The following SAMD12 variants were observed in gnomAD, a reference collection of about 807,000 sequenced individuals.
SAMD12 encodes the protein sterile alpha motif domain-containing protein 12.
A neutral mutation model predicts 15.0 loss-of-function variants in SAMD12; 9 were observed. The observed-to-expected ratio is 0.60, with a 90% CI of 0.36 to 1.05. SAMD12 has a LOEUF of 1.05. Among genes scored for constraint, SAMD12 ranks in the 50% least tolerant of loss-of-function variants. SAMD12 has a pLI of 0.01. For synonymous variants in SAMD12, 86 were observed against 90.1 expected, an observed-to-expected ratio of 0.96 and a Z score of 0.25; for missense variants, 230 against 234.2, an observed-to-expected ratio of 0.98 and a Z score of 0.12.
At chr8:118,352,738 AAAG>A (rs1818016678) in intron 4 of SAMD12, among the ~76,000 whole-genome samples, 1 of 152,224 alleles carries the variant, frequency 6.6e-6, no homozygotes, top group Non-Finnish European at 1.5e-5. Flanking sequence ...GAATATTTTT[AAAG>A]AAGAGCATTT....
intron 1 of SAMD12, 118 bp downstream of exon 1, chr8:118,621,686 C>T (rs542030034): frequency 7.7e-6 from 9 of 1,170,214 alleles, no homozygotes; most frequent in Admixed American, 7.0e-5. Context: ...GAGGAAGGGG[C>T]CCGCTCTCCG....
intron 4 of SAMD12, among the ~76,000 whole-genome samples, chr8:118,362,403 G>C (rs1055597605): frequency 6.6e-6 from 1 of 152,116 alleles, no homozygotes; most frequent in African/African-American, 2.4e-5. Context: ...GGTGTTGTCT[G>C]AATTTTAGGG....
At chr8:118,557,146 C>CG (rs1049125535) in intron 2 of SAMD12, among the ~76,000 whole-genome samples, 1 of 152,036 alleles carries the variant, frequency 6.6e-6, no homozygotes, top group Admixed American at 6.6e-5. Context: ...AGGGAAGGAC[C>CG]GGGTGGGAGG....
chr8:118,377,800 A>G (rs891334535), downstream of SAMD12, among the ~76,000 whole-genome samples: 6 of 152,160 alleles, frequency 3.9e-5, no homozygotes, highest in Non-Finnish European at 7.4e-5. Flanking sequence ...GTCTCATTCT[A>G]TATAGATCAT....
chr8:118,527,722 T>C (rs1418261077), intron 2 of SAMD12, among the ~76,000 whole-genome samples: 1 of 152,160 alleles, frequency 6.6e-6, no homozygotes, highest in Non-Finnish European at 1.5e-5. Context: ...GTCTTTATTA[T>C]ATTTTTGAAA....
intron 4 of SAMD12, among the ~76,000 whole-genome samples, chr8:118,211,995 T>A (rs1415881223): frequency 6.6e-6 from 1 of 152,188 alleles, no homozygotes; most frequent in Non-Finnish European, 1.5e-5. Context: ...GTTTAAGTTC[T>A]ATGAGCCATC....
intron 1 of SAMD12, among the ~76,000 whole-genome samples, chr8:118,607,959 C>A (rs1326271108): frequency 6.6e-6 from 1 of 152,170 alleles, no homozygotes; most frequent in Non-Finnish European, 1.5e-5. Flanking sequence ...CAAATATTTT[C>A]TACCTTTTAT....
At chr8:118,317,317 T>C (rs1037862506) in intron 4 of SAMD12, among the ~76,000 whole-genome samples, 1 of 152,178 alleles carries the variant, frequency 6.6e-6, no homozygotes, top group Admixed American at 6.5e-5. Flanking sequence ...TCACCAGAGA[T>C]GCATAAATAT....
At chr8:118,185,038 T>C (rs1819220045), downstream of SAMD12, among the ~76,000 whole-genome samples, 1 of 152,136 alleles carries the variant, frequency 6.6e-6, no homozygotes, top group African/African-American at 2.4e-5. Flanking sequence ...TTACCAACTG[T>C]GGACCTATGT....
intron 4 of SAMD12, among the ~76,000 whole-genome samples, chr8:118,282,604 T>G (rs915300197): frequency 4.6e-5 from 7 of 152,144 alleles, no homozygotes; most frequent in Non-Finnish European, 7.3e-5. Context: ...TGGTGGTGGT[T>G]ATTCTTTATG....
At chr8:118,350,654 C>T (rs761628194) in intron 4 of SAMD12, among the ~76,000 whole-genome samples, 7 of 152,176 alleles carry the variant, frequency 4.6e-5, no homozygotes, top group Non-Finnish European at 7.3e-5. Context: ...TGAGGCTTAG[C>T]AGTGTTGGAC....
intron 4 of SAMD12, among the ~76,000 whole-genome samples, chr8:118,231,797 C>T (rs900406720): frequency 4.6e-5 from 7 of 152,174 alleles, no homozygotes; most frequent in African/African-American, 1.7e-4. Context: ...TGCTACATGC[C>T]CCAGCATCGC....
intron 4 of SAMD12, among the ~76,000 whole-genome samples, chr8:118,254,389 G>A (rs1812885510): frequency 6.6e-6 from 1 of 152,098 alleles, no homozygotes; most frequent in Non-Finnish European, 1.5e-5. Context: ...CTCCTTGCTG[G>A]AAACGAGAAA....
At chr8:118,496,977 A>C (rs1456913187) in intron 2 of SAMD12, among the ~76,000 whole-genome samples, 1 of 152,336 alleles carries the variant, frequency 6.6e-6, no homozygotes, top group East Asian at 1.9e-4. Flanking sequence ...AAAATGTTCA[A>C]CACCACTAAT....
chr8:118,574,215 T>G (rs1188431445), intron 2 of SAMD12, among the ~76,000 whole-genome samples: 2 of 152,150 alleles, frequency 1.3e-5, no homozygotes, highest in African/African-American at 4.8e-5. Flanking sequence ...AATTTAGTAG[T>G]TTGGGTGGAT....
In SAMD12 at chr8:118,437,721, C is replaced by T. The variant is rs756183428; in HGVS notation, c.322+2111G>A. Among the ~76,000 whole-genome samples, 12 of 152,222 alleles carry T rather than the reference C, an allele frequency of 7.9e-5. No individual in the cohort carries two copies. The South Asian group carries it at 2.5e-3, about 32-fold the overall frequency. On this transcript the variant is annotated intron_variant, in intron 3 of 3. Transcript: ENST00000314727. The stretch of plus-strand genomic sequence containing the variant: ...CAAGTCTGCCACCAAAAGCATACGA[C>T]AACTTTTTTAAATGCATACCTCATT...
intron 4 of SAMD12, among the ~76,000 whole-genome samples, chr8:118,255,931 C>A (rs1247250381): frequency 2.6e-5 from 4 of 152,092 alleles, no homozygotes; most frequent in African/African-American, 7.2e-5. Context: ...AATCTCCACA[C>A]TGACTTCCAC....
downstream of SAMD12, among the ~76,000 whole-genome samples, chr8:118,377,772 C>T (rs1043677830): frequency 4.6e-5 from 7 of 152,078 alleles, no homozygotes; most frequent in East Asian, 1.9e-4. Context: ...ACACATAATG[C>T]GTCACATGTG....
intron 2 of SAMD12, among the ~76,000 whole-genome samples, chr8:118,513,501 A>G (rs2131072116): frequency 6.6e-6 from 1 of 152,326 alleles, no homozygotes; most frequent in East Asian, 1.9e-4. Context: ...CAATCAACAA[A>G]CCATAAAATA....
Sources: gnomAD v4.1 joint callset for allele counts (sites outside exome capture counted in the v4.1 genomes callset) on GRCh38, gnomAD v4.1.1 for gene constraint, MANE v1.5 for transcripts, NCBI Gene and HGNC (gene_info 2026-07-23, HGNC 2026-07-21) for gene names.